Variants in UPP1 observed in about 807,000 individuals in gnomAD.
UPP1 encodes uridine phosphorylase 1.
A neutral mutation model predicts 29.6 loss-of-function variants in UPP1; 25 were observed. That is an observed-to-expected ratio of 0.85 (90% CI 0.62 to 1.18). UPP1 has a LOEUF of 1.18. Ranked by LOEUF, UPP1 falls within the 50% of genes most tolerant of loss-of-function variation. UPP1 has a pLI of 0.00. For synonymous variants in UPP1, 165 were observed against 159.8 expected (o/e 1.03, Z -0.25); for missense variants, 368 against 410.4 (o/e 0.90, Z 0.89).
At chr7:48,099,624 G>A (rs1403711630) in intron 3 of UPP1, 46 bp from the exon 4 acceptor site, 8 of 1,335,474 alleles carry the variant, frequency 6.0e-6, no homozygotes, top group South Asian at 1.2e-5. Context: ...GTCGGCTGTC[G>A]GGCACTGATG....
Position 48,103,341 on chromosome 7 carries a change from C to T in UPP1, c.366C>T (p.Leu122=). The part of the protein sequence containing the change: ...IPSISIMLHE[L]IKLLYYARCS... ...CTATCTCAATCATGTTGCATGAGCT[C>T]ATAAAGCTGCTGTACTATGCCCGGT... is the stretch of plus-strand genomic sequence containing the variant. The change falls in exon 6 of 9, where the codon CTC becomes CTT. Residue 122 remains leucine, a synonymous_variant. Coordinates refer to ENST00000395564, the MANE Select transcript of UPP1 (RefSeq NM_003364.4). 1 of 1,614,010 alleles carries T rather than the reference C, an allele frequency of 6.2e-7. No individual in the cohort carries two copies. Among genetic ancestry groups the T allele is most frequent in the Non-Finnish European group, 8.5e-7 (1 of 1,179,920 alleles).
chr7:48,096,818 G>T (rs1415588767), intron 3 of UPP1, among the ~76,000 whole-genome samples: 1 of 152,012 alleles, frequency 6.6e-6, no homozygotes, highest in African/African-American at 2.4e-5. Flanking sequence ...TCTCACTTCA[G>T]CCTCCTGAGT....
In UPP1 at chr7:48,099,693, A is replaced by T. The variant is rs1426865179; in HGVS notation, c.68A>T (p.Asn23Ile). The change falls in exon 4 of 9, where the codon AAT becomes ATT. Residue 23 changes from asparagine to isoleucine, a missense_variant. Asn to Ile is a moderately radical substitution (Grantham distance 149). Transcript: ENST00000395564. ...SHNDCPVRLLNPNIAKMKEDI... is the reference protein window; with the variant it reads ...SHNDCPVRLLIPNIAKMKEDI... ...AGTGATTGCCCCGTCAGACTTTTAA[A>T]TCCAAACATAGCAAAAATGAAAGAA... 26 of 1,613,454 alleles carry T rather than the reference A, an allele frequency of 1.6e-5. No homozygotes were observed. The highest frequency in any genetic ancestry group is 1.9e-5 in the Non-Finnish European group (22 of 1,179,438).
At chr7:48,099,927 C>A in intron 4 of UPP1, 140 bp downstream of exon 4, 1 of 656,934 alleles carries the variant, frequency 1.5e-6, no homozygotes, top group Non-Finnish European at 2.7e-6. Context: ...CAAATTTTTG[C>A]AAGTTTTTAA....
intron 3 of UPP1, among the ~76,000 whole-genome samples, chr7:48,096,808 T>C (rs1792153427): frequency 6.6e-6 from 1 of 152,052 alleles, no homozygotes; most frequent in Non-Finnish European, 1.5e-5. Context: ...CAAGTGATCC[T>C]CTCACTTCAG....
At chr7:48,107,598 C>T in intron 8 of UPP1, 91 bp downstream of exon 8, 2 of 1,444,414 alleles carry the variant, frequency 1.4e-6, no homozygotes, top group East Asian at 2.3e-5. Context: ...TCCTGGGGCA[C>T]CCCGATACCC....
chr7:48,103,723 C>T (rs1161390991), intron 6 of UPP1: 2 of 1,276,252 alleles, frequency 1.6e-6, no homozygotes, highest in African/African-American at 1.5e-5. Context: ...TTTCTAATCC[C>T]CCTTCTTCTC....
chr7:48,092,006 T>C (rs1406779414), intron 2 of UPP1, among the ~76,000 whole-genome samples: 1 of 152,200 alleles, frequency 6.6e-6, no homozygotes, highest in East Asian at 1.9e-4. Context: ...GGATTCTCTC[T>C]GGAGAGCTTT....
chr7:48,097,243 T>C (rs1792172137), intron 3 of UPP1, among the ~76,000 whole-genome samples: 1 of 152,174 alleles, frequency 6.6e-6, no homozygotes, highest in Non-Finnish European at 1.5e-5. Flanking sequence ...TTTTACTTTA[T>C]TTTTTATTTT....
intron 2 of UPP1, among the ~76,000 whole-genome samples, chr7:48,091,344 G>C (rs1791822760): frequency 6.7e-6 from 1 of 149,864 alleles, no homozygotes; most frequent in Admixed American, 6.6e-5. Flanking sequence ...GAGAGCCCCA[G>C]GTGATCACCG....
intron 3 of UPP1, among the ~76,000 whole-genome samples, chr7:48,097,259 A>C (rs1475357151): frequency 6.6e-6 from 1 of 151,674 alleles, no homozygotes; most frequent in Non-Finnish European, 1.5e-5. Context: ...ATTTTTAGAC[A>C]GTCTTACTCT....
At chr7:48,103,658 T>C in intron 6 of UPP1, 1 of 1,037,200 alleles carries the variant, frequency 9.6e-7, no homozygotes, top group Non-Finnish European at 1.3e-6. Context: ...GGGAAACTCA[T>C]CCTTTTGGGG....
At chr7:48,107,317 C>T in intron 7 of UPP1, 44 bp from the exon 8 acceptor site, 1 of 1,579,748 alleles carries the variant, frequency 6.3e-7, no homozygotes, top group Non-Finnish European at 8.6e-7. Flanking sequence ...GTTGTAGGAG[C>T]TTCTCACATG....
intron 2 of UPP1, among the ~76,000 whole-genome samples, chr7:48,094,029 G>A (rs143966194): frequency 8.7e-4 from 132 of 152,220 alleles, no homozygotes; most frequent in African/African-American, 3.1e-3. Context: ...ACATGGTGGC[G>A]TGTGTCTGTA....
At chr7:48,100,827 C>T (rs769864264) in intron 4 of UPP1, among the ~76,000 whole-genome samples, 14 of 152,076 alleles carry the variant, frequency 9.2e-5, no homozygotes, top group African/African-American at 3.1e-4. Flanking sequence ...TAAGTTAATC[C>T]GTAGTGATTT....
At chr7:48,101,771 G>A in intron 4 of UPP1, 53 bp from the exon 5 acceptor site, 1 of 1,564,708 alleles carries the variant, frequency 6.4e-7, no homozygotes, top group Non-Finnish European at 8.6e-7. Context: ...CCCCACTTGA[G>A]GACCTCTGCT....
At chr7:48,106,469 C>T (rs1169311243) in intron 6 of UPP1, 1 of 198,686 alleles carries the variant, frequency 5.0e-6, no homozygotes, top group Non-Finnish European at 1.1e-5. Context: ...CGGCACAATG[C>T]CTGGCTAATT....
At chr7:48,107,641 C>T in intron 8 of UPP1, 134 bp downstream of exon 8, 1 of 1,012,390 alleles carries the variant, frequency 9.9e-7, no homozygotes. Flanking sequence ...GCCCCCAAGT[C>T]ACTTTCTGAC....
At chr7:48,091,149 C>T (rs1791808643) in intron 2 of UPP1, among the ~76,000 whole-genome samples, 1 of 152,142 alleles carries the variant, frequency 6.6e-6, no homozygotes, top group South Asian at 2.1e-4. Context: ...CTCTCTCTCA[C>T]ACACATTTGC....
Sources: gnomAD v4.1 joint callset for allele counts (sites outside exome capture counted in the v4.1 genomes callset) on GRCh38, gnomAD v4.1.1 for gene constraint, MANE v1.5 for transcripts, NCBI Gene and HGNC (gene_info 2026-07-23, HGNC 2026-07-21) for gene names.